Variants in CSMD2 observed in about 807,000 individuals in gnomAD.
CSMD2 encodes the protein CUB and sushi domain-containing protein 2.
CSMD2 carries 130 observed loss-of-function variants against 398.5 expected under a neutral mutation model. The ratio of observed to expected loss-of-function variants is 0.33; its 90% CI spans 0.28 to 0.38. The LOEUF is 0.38. CSMD2 is among the 10% of genes least tolerant of loss of function. CSMD2 has a pLI of 1.00. For synonymous variants in CSMD2, 1,828 were observed against 1,908.5 expected (o/e 0.96, Z 1.10); for missense variants, 3,829 against 4,764.9 (o/e 0.80, Z 5.78).
intron 2 of CSMD2, among the ~76,000 whole-genome samples, chr1:34,070,124 A>C (rs998120687): frequency 2.6e-5 from 4 of 152,382 alleles, no homozygotes; most frequent in Admixed American, 2.0e-4. Flanking sequence ...AAATAGAAGA[A>C]GCCCACTCCT....
intron 37 of CSMD2, among the ~76,000 whole-genome samples, chr1:33,618,525 C>T (rs529595607): frequency 2.8e-4 from 43 of 152,178 alleles, no homozygotes; most frequent in African/African-American, 1.0e-3. Context: ...CTCAAATGCT[C>T]CTCCTTCAGT....
rs1410695140 is a variant in CSMD2, at chr1:33,624,529, G to C, written c.5615C>G (p.Ala1872Gly). The C allele has an allele frequency of 6.2e-7, 1 of 1,613,722 alleles. No homozygotes were observed. Among genetic ancestry groups the C allele is most frequent in the Non-Finnish European group, 8.5e-7 (1 of 1,179,896 alleles). ...CVWKIVVPEG[A>G]GIQIQVVSFV... ...CCCCCTTGCCCCTACCTGGATGCCA[G>C]CGCCTTCGGGGACCACGATCTTCCA... The change falls in exon 35 of 71, where the codon GCT becomes GGT. Residue 1872 changes from alanine (A) to glycine (G), a missense_variant. Around this residue, in one of 5 missense-constraint regions of CSMD2, gnomAD observed 2,001 missense variants for 2,567.1 expected, o/e 0.78. Transcript: ENST00000373381. This position sits in a 1 kb window ranked among gnomAD's most constrained non-coding sequence, Gnocchi z 4.7.
intron 2 of CSMD2, among the ~76,000 whole-genome samples, chr1:34,068,674 AT>A (rs1410519509): frequency 6.6e-6 from 1 of 152,124 alleles, no homozygotes; most frequent in Non-Finnish European, 1.5e-5. Context: ...GTTCCCCAAG[AT>A]GTTGGTAATG....
chr1:33,819,957 G>T, intron 8 of CSMD2, 120 bp from the exon 9 acceptor site: 1 of 1,268,038 alleles, frequency 7.9e-7, no homozygotes, highest in African/African-American at 1.5e-5. Context: ...CTTAATCTCT[G>T]CTCCACTGTT....
At chr1:33,882,598 T>C (rs1410746322) in intron 5 of CSMD2, among the ~76,000 whole-genome samples, 1 of 152,228 alleles carries the variant, frequency 6.6e-6, no homozygotes, top group Non-Finnish European at 1.5e-5. Context: ...GGATTCCCCA[T>C]TAATGCCATG....
rs542885334 is a variant in CSMD2, at chr1:33,817,973, T to G, written c.1324+1740A>C. Among the ~76,000 whole-genome samples the G allele has an allele frequency of 2.6e-4, 39 of 152,294 alleles. No individual in the cohort carries two copies. In the South Asian group the frequency reaches 7.9e-3, roughly 31 times the overall value. ...GGGTCCAAATCACTGGAGAAAAGGA[T>G]GAACACACTTTTTCAGCTACAAACT... On this transcript the variant is annotated intron_variant, in intron 9 of 70. Coordinates refer to ENST00000373381, the MANE Select transcript of CSMD2 (RefSeq NM_001281956.2).
chr1:33,990,769 C>G (rs1384641045), intron 3 of CSMD2, among the ~76,000 whole-genome samples: 1 of 152,176 alleles, frequency 6.6e-6, no homozygotes, highest in Non-Finnish European at 1.5e-5. Context: ...TAGGTTGAGG[C>G]CAGGGGTGAG....
intron 13 of CSMD2, among the ~76,000 whole-genome samples, chr1:33,754,755 G>A (rs1225748540): frequency 6.6e-6 from 1 of 152,106 alleles, no homozygotes; most frequent in African/African-American, 2.4e-5. Flanking sequence ...ATTTTTTGAT[G>A]GGTAATTTAT....
intron 13 of CSMD2, among the ~76,000 whole-genome samples, chr1:33,747,203 G>A (rs942740798): frequency 6.6e-6 from 1 of 152,166 alleles, no homozygotes; most frequent in Non-Finnish European, 1.5e-5. Flanking sequence ...TTGACAATGA[G>A]CAAATAAACC....
intron 13 of CSMD2, among the ~76,000 whole-genome samples, chr1:33,756,171 C>G (rs1042021172): frequency 6.6e-6 from 1 of 152,176 alleles, no homozygotes; most frequent in African/African-American, 2.4e-5. Flanking sequence ...GGGTCATCTT[C>G]TCACTTGCTT....
intron 41 of CSMD2, among the ~76,000 whole-genome samples, chr1:33,606,492 C>A (rs1640619627): frequency 6.6e-6 from 1 of 152,206 alleles, no homozygotes; most frequent in Non-Finnish European, 1.5e-5. Flanking sequence ...CCTGGGAAAT[C>A]ATTGAGGTAA....
intron 1 of CSMD2, among the ~76,000 whole-genome samples, chr1:34,124,421 G>A (rs948538301): frequency 6.6e-6 from 1 of 152,156 alleles, no homozygotes; most frequent in African/African-American, 2.4e-5. Context: ...CTGGGAGACT[G>A]GACAGATATG....
chr1:33,526,464 A>G (rs995682467), intron 65 of CSMD2, among the ~76,000 whole-genome samples: 11 of 152,348 alleles, frequency 7.2e-5, no homozygotes, highest in Admixed American at 6.5e-5. Flanking sequence ...TTAAATGACT[A>G]ATGTTGTAAA....
At chr1:34,083,780 G>A (rs575330681) in intron 2 of CSMD2, among the ~76,000 whole-genome samples, 15 of 152,196 alleles carry the variant, frequency 9.9e-5, no homozygotes, top group African/African-American at 2.4e-4. Flanking sequence ...TTAGCCAGGC[G>A]TGGGGGCTCA....
In CSMD2 at chr1:33,792,621, A is replaced by G. The variant is rs75963046; in HGVS notation, c.1447-95T>C. 590 of 793,278 alleles carry G rather than the reference A, an allele frequency of 7.4e-4. 3 individuals are homozygous for G. In the African/African-American group the frequency reaches 8.5e-3, roughly 11 times the overall value. 49.1% of individuals were successfully genotyped at this position (793,278 alleles called of 1,614,324 possible). On this transcript the variant is annotated intron_variant, in intron 10 of 70. Coordinates refer to ENST00000373381, the MANE Select transcript of CSMD2 (RefSeq NM_001281956.2). The stretch of plus-strand genomic sequence containing the variant: ...GAAGGATTTTCTGTGTTATGTCCCA[A>G]TGCTCAGAGTCACTGGTGACACCAT...
chr1:33,792,355 C>T, intron 11 of CSMD2, 68 bp downstream of exon 11: 2 of 1,132,162 alleles, frequency 1.8e-6, no homozygotes, highest in Non-Finnish European at 2.7e-6. Context: ...GGCAGGACTC[C>T]ACAAACCCCA....
At chr1:33,972,961 T>C (rs1645825690) in intron 3 of CSMD2, among the ~76,000 whole-genome samples, 1 of 152,120 alleles carries the variant, frequency 6.6e-6, no homozygotes, top group South Asian at 2.1e-4. Context: ...CATTCAGGCT[T>C]CTCCCTTGCA....
intron 10 of CSMD2, among the ~76,000 whole-genome samples, chr1:33,806,028 G>A (rs897602229): frequency 1.3e-5 from 2 of 151,950 alleles, no homozygotes; most frequent in East Asian, 1.9e-4. Context: ...TTAAAAATTC[G>A]GTCAATATAG....
At chr1:33,552,761 G>A (rs1019460470) in intron 55 of CSMD2, among the ~76,000 whole-genome samples, 1 of 152,136 alleles carries the variant, frequency 6.6e-6, no homozygotes, top group South Asian at 2.1e-4. Flanking sequence ...GTACATTAGA[G>A]GTTGCCAGAA....
Sources: gnomAD v4.1 joint callset for allele counts (sites outside exome capture counted in the v4.1 genomes callset) on GRCh38, gnomAD v4.1.1 for gene constraint, gnomAD v4.1.1 regional missense constraint, Gnocchi (gnomAD v3.1) non-coding constraint, MANE v1.5 for transcripts, NCBI Gene and HGNC (gene_info 2026-07-23, HGNC 2026-07-21) for gene names.